The following AHI1 variants were observed in gnomAD, a reference collection of about 807,000 sequenced individuals.
AHI1 encodes Abelson helper integration site 1, also known as jouberin.
Under a neutral mutation model 149.3 loss-of-function variants are expected in AHI1, and 123 were observed. That is an observed-to-expected ratio of 0.82 (90% CI 0.71 to 0.96). The LOEUF (loss-of-function observed/expected upper bound fraction) is 0.96, where lower values mean the gene tolerates loss of function less well. AHI1 is among the 40% of genes least tolerant of loss of function. The probability of loss-of-function intolerance (pLI) is 0.00; values close to 1 mark genes in which losing one functional copy is unlikely to be tolerated. For synonymous variants in AHI1, 475 were observed against 459.8 expected, an observed-to-expected ratio of 1.03 and a Z score of -0.42; for missense variants, 1,439 against 1,422.7, an observed-to-expected ratio of 1.01 and a Z score of -0.18.
chr6:135,318,045 C>T (rs1424384883), intron 26 of AHI1, among the ~76,000 whole-genome samples: 1 of 152,214 alleles, frequency 6.6e-6, no homozygotes, highest in Non-Finnish European at 1.5e-5. Flanking sequence ...TCTCTGGCTA[C>T]TCTGGCTGGT....
chr6:135,383,195 ATGAT>A (rs1478842270), intron 23 of AHI1, among the ~76,000 whole-genome samples: 4 of 123,366 alleles, frequency 3.2e-5, no homozygotes, highest in Non-Finnish European at 6.7e-5. Context: ...GCTTAAAATT[ATGAT>A]TGATTGATTC....
intron 20 of AHI1, among the ~76,000 whole-genome samples, chr6:135,415,746 G>A (rs1562714215): frequency 6.6e-6 from 1 of 152,114 alleles, no homozygotes; most frequent in African/African-American, 2.4e-5. Flanking sequence ...CTAAAACCTG[G>A]TTACAACCCC....
At chr6:135,353,699 A>G (rs762143187) in intron 24 of AHI1, among the ~76,000 whole-genome samples, 12 of 152,136 alleles carry the variant, frequency 7.9e-5, no homozygotes, top group African/African-American at 1.7e-4. Context: ...GATTCAGGAT[A>G]AAATTTAATT....
intron 23 of AHI1, among the ~76,000 whole-genome samples, chr6:135,363,992 G>A (rs1794440095): frequency 1.4e-5 from 2 of 142,850 alleles, no homozygotes. Context: ...GGGCAGAGGG[G>A]CTCCTCACTT....
At chr6:135,461,737 CA>C (rs1224137728) in intron 8 of AHI1, among the ~76,000 whole-genome samples, 5 of 151,708 alleles carry the variant, frequency 3.3e-5, no homozygotes, top group Non-Finnish European at 7.4e-5. Flanking sequence ...CTAAATAATA[CA>C]AAAACAGAAT....
At chr6:135,434,778 A>T (rs1318572408) in intron 15 of AHI1, among the ~76,000 whole-genome samples, 2 of 152,124 alleles carry the variant, frequency 1.3e-5, no homozygotes, top group African/African-American at 4.8e-5. Flanking sequence ...ACACACAAAA[A>T]TTACTAGATT....
chr6:135,425,802 A>C (rs987378198), intron 20 of AHI1, among the ~76,000 whole-genome samples: 1 of 151,820 alleles, frequency 6.6e-6, no homozygotes, highest in African/African-American at 2.4e-5. Flanking sequence ...CAAACTGGCA[A>C]ACCTAACTAT....
chr6:135,492,522 T>C (rs754969576), intron 3 of AHI1: 248 of 1,135,708 alleles, frequency 2.2e-4, no homozygotes, highest in Non-Finnish European at 2.5e-4. Context: ...AAAGTATTTA[T>C]ATATTTGAAA....
At chr6:135,480,191 G>A (rs1217439661) in intron 5 of AHI1, among the ~76,000 whole-genome samples, 2 of 152,170 alleles carry the variant, frequency 1.3e-5, no homozygotes, top group Non-Finnish European at 2.9e-5. Context: ...CAGGCGTGGT[G>A]GCTCACGCCT....
Position 135,283,717 on chromosome 6 carries a change from T to C in AHI1, c.*1928A>G, listed in dbSNP as rs2128335378. 6.6e-6 allele frequency: 1 copy of C among 152,168 alleles called. No individual in the cohort carries two copies. The highest frequency in any genetic ancestry group is 1.9e-4 in the East Asian group (1 of 5,206). 9.4% of individuals were successfully genotyped at this position (152,168 alleles called of 1,614,324 possible). A position where few individuals can be genotyped will look rare whatever the true frequency, so the allele number is the denominator to read the frequency against. ...AATCTATTCATGAACATAACCCTAG[T>C]CTTACTTTGTCAGCGAGACAAAGGG... On this transcript the variant is annotated 3_prime_UTR_variant, in exon 29 of 29. Coordinates refer to ENST00000265602, the MANE Select transcript of AHI1 (RefSeq NM_001134831.2).
intron 27 of AHI1, among the ~76,000 whole-genome samples, chr6:135,293,194 T>C (rs1350423541): frequency 6.6e-6 from 1 of 151,852 alleles, no homozygotes; most frequent in African/African-American, 2.4e-5. Flanking sequence ...CAAACATCTA[T>C]TCCTGACAAA....
At chr6:135,453,193 T>A (rs1583304670) in intron 11 of AHI1, 148 bp downstream of exon 11, 2 of 697,868 alleles carry the variant, frequency 2.9e-6, no homozygotes, top group African/African-American at 3.6e-5. Context: ...TGAATGAGCA[T>A]AACCTGAGCT....
intron 15 of AHI1, among the ~76,000 whole-genome samples, chr6:135,436,997 A>G (rs983284411): frequency 3.3e-5 from 5 of 152,234 alleles, no homozygotes; most frequent in Non-Finnish European, 7.3e-5. Context: ...AGGGACTGAG[A>G]TGAAAAGTAC....
intron 24 of AHI1, among the ~76,000 whole-genome samples, chr6:135,327,176 A>C (rs987836917): frequency 5.3e-5 from 8 of 152,248 alleles, no homozygotes; most frequent in Admixed American, 5.2e-4. Context: ...TTGTTAGGGC[A>C]GCCCTAGCAG....
At chr6:135,366,720 T>A (rs1774239440) in intron 23 of AHI1, among the ~76,000 whole-genome samples, 1 of 152,190 alleles carries the variant, frequency 6.6e-6, no homozygotes, top group African/African-American at 2.4e-5. Context: ...ATTTTGTTAA[T>A]CTTTTCAAAG....
intron 24 of AHI1, among the ~76,000 whole-genome samples, chr6:135,339,760 A>T (rs1225847762): frequency 6.6e-6 from 1 of 152,200 alleles, no homozygotes; most frequent in African/African-American, 2.4e-5. Flanking sequence ...GGGAAAAATG[A>T]CCCCAAACTT....
intron 23 of AHI1, among the ~76,000 whole-genome samples, chr6:135,384,446 A>C (rs986012867): frequency 1.8e-4 from 27 of 152,212 alleles, no homozygotes; most frequent in African/African-American, 6.3e-4. Context: ...CACAGCATTA[A>C]GCAACAGAAT....
intron 26 of AHI1, chr6:135,302,879 G>T (rs147562719): frequency 1.7e-6 from 2 of 1,184,088 alleles, no homozygotes; most frequent in African/African-American, 3.2e-5. Context: ...CCCCACCATC[G>T]ACAACGCCAA....
chr6:135,482,968 T>G (rs1793935618), intron 5 of AHI1, among the ~76,000 whole-genome samples: 1 of 147,380 alleles, frequency 6.8e-6, no homozygotes, highest in South Asian at 2.2e-4. Flanking sequence ...TTCAGCTCAC[T>G]GCAACCTCCA....
Sources: gnomAD v4.1 joint callset for allele counts (sites outside exome capture counted in the v4.1 genomes callset) on GRCh38, gnomAD v4.1.1 for gene constraint, MANE v1.5 for transcripts, NCBI Gene and HGNC (gene_info 2026-07-23, HGNC 2026-07-21) for gene names.